Variants in SPICE1 observed in about 807,000 individuals in gnomAD.
SPICE1 encodes spindle and centriole associated protein 1.
A neutral mutation model predicts 102.7 loss-of-function variants in SPICE1; 75 were observed. The ratio of observed to expected loss-of-function variants is 0.73; its 90% CI spans 0.61 to 0.88. SPICE1 has a LOEUF of 0.88. Among genes scored for constraint, SPICE1 ranks in the 40% least tolerant of loss-of-function variants. SPICE1 has a pLI of 0.00. For missense variants in SPICE1, 979 were observed against 1,020.1 expected (o/e 0.96, Z 0.55); for synonymous variants, 308 against 350.3 (o/e 0.88, Z 1.35).
intron 3 of SPICE1, 21 bp downstream of exon 3, chr3:113,503,159 A>C: frequency 6.2e-7 from 1 of 1,604,770 alleles, no homozygotes; most frequent in African/African-American, 1.3e-5. Context: ...TAAATGACTT[A>C]AGTTTTGATA....
chr3:113,500,732 AT>A (rs1255414604), intron 3 of SPICE1, among the ~76,000 whole-genome samples: 1 of 152,064 alleles, frequency 6.6e-6, no homozygotes, highest in Non-Finnish European at 1.5e-5. Context: ...TGAGTTTGAA[AT>A]TTTTCATTTA....
chr3:113,455,208 G>A (rs1043394072), intron 13 of SPICE1, among the ~76,000 whole-genome samples: 8 of 151,958 alleles, frequency 5.3e-5, no homozygotes, highest in East Asian at 3.8e-4. Flanking sequence ...ATATGAATTC[G>A]AATGAACGCT....
At chr3:113,501,340 T>C (rs1937003922) in intron 3 of SPICE1, among the ~76,000 whole-genome samples, 1 of 152,264 alleles carries the variant, frequency 6.6e-6, no homozygotes, top group South Asian at 2.1e-4. Context: ...TATGTCTTTG[T>C]GAACCTTGGG....
intron 7 of SPICE1, among the ~76,000 whole-genome samples, chr3:113,474,952 C>G (rs149783561): frequency 2.6e-5 from 4 of 151,988 alleles, no homozygotes; most frequent in Non-Finnish European, 5.9e-5. Context: ...CCGAAGGAAA[C>G]AGAGACACAA....
intron 7 of SPICE1, among the ~76,000 whole-genome samples, chr3:113,476,890 C>G (rs907451821): frequency 7.9e-5 from 12 of 152,200 alleles, no homozygotes; most frequent in Admixed American, 2.0e-4. Context: ...GACTTCATGT[C>G]TAAAACACCA....
chr3:113,475,825 A>G (rs955340046), intron 7 of SPICE1, among the ~76,000 whole-genome samples: 2 of 152,232 alleles, frequency 1.3e-5, no homozygotes, highest in African/African-American at 4.8e-5. Flanking sequence ...CACAGCCAAT[A>G]TCATATTGAA....
rs1325808511 is a variant in SPICE1 at position 113,457,458 on chromosome 3, C to G, written c.1436-101G>C. 6.9e-6 allele frequency: 8 copies of G among 1,157,592 alleles called. No individual in the cohort carries two copies. In the East Asian group the frequency reaches 2.0e-4, roughly 29 times the overall value. 71.7% of individuals were successfully genotyped at this position (1,157,592 alleles called of 1,614,324 possible). On this transcript the variant is annotated intron_variant, in intron 12 of 17. Transcript: ENST00000295872. ...AATGCATCTCAGTAGAGTGCAAAAT[C>G]CACATGAATCAACATAGCTCCTGGA...
At chr3:113,493,356 A>G in intron 5 of SPICE1, 44 bp from the exon 6 acceptor site, 3 of 1,498,930 alleles carry the variant, frequency 2.0e-6, no homozygotes, top group Non-Finnish European at 2.8e-6. Context: ...TCATTTAATT[A>G]ACTTGACTTC....
chr3:113,503,341 C>A (rs1201777698), intron 2 of SPICE1, 114 bp from the exon 3 acceptor site: 4 of 1,030,456 alleles, frequency 3.9e-6, no homozygotes, highest in Non-Finnish European at 5.5e-6. Flanking sequence ...ACCAAAAATT[C>A]TTTCTTTCTA....
chr3:113,472,460 T>A (rs933025252), intron 7 of SPICE1, among the ~76,000 whole-genome samples: 3 of 152,250 alleles, frequency 2.0e-5, no homozygotes, highest in African/African-American at 7.2e-5. Flanking sequence ...GCTGGAGATC[T>A]GAGAACGGGC....
rs79385229 is a variant in SPICE1 at position 113,499,588 on chromosome 3, C to T, written c.148-6G>A. 9,124 of 1,592,988 alleles carry T rather than the reference C, an allele frequency of 5.7e-3. 436 individuals carry two copies. The African/African-American group carries it at 0.11, about 19-fold the overall frequency. On this transcript the variant is annotated splice_region_variant and splice_polypyrimidine_tract_variant and intron_variant, in intron 3 of 17. Transcript: ENST00000295872. The stretch of plus-strand genomic sequence containing the variant: ...TGTATTTCATGACGGCGTACCTATA[C>T]AGAAGAGAAAAGTACATAAAGGAAT...
chr3:113,480,964 TAA>T (rs1293111649), intron 7 of SPICE1, among the ~76,000 whole-genome samples: 1 of 80,468 alleles, frequency 1.2e-5, no homozygotes, highest in Non-Finnish European at 2.4e-5. Flanking sequence ...ATACCTTACT[TAA>T]GAGGAAACAA....
At chr3:113,468,727 T>C in intron 9 of SPICE1, 35 bp downstream of exon 9, 1 of 1,595,438 alleles carries the variant, frequency 6.3e-7, no homozygotes, top group Non-Finnish European at 8.5e-7. Flanking sequence ...AAGTTACATG[T>C]TTAATATTCA....
intron 13 of SPICE1, among the ~76,000 whole-genome samples, chr3:113,456,636 T>C (rs544597941): frequency 3.9e-4 from 60 of 152,242 alleles, no homozygotes; most frequent in Non-Finnish European, 8.2e-4. Context: ...TCTAAAGCTA[T>C]TTTTAATTGT....
At chr3:113,484,276 T>TTTC (rs1936591161) in intron 7 of SPICE1, among the ~76,000 whole-genome samples, 1 of 152,144 alleles carries the variant, frequency 6.6e-6, no homozygotes, top group Non-Finnish European at 1.5e-5. Context: ...TCTCTCTTTT[T>TTTC]TTCTTTATTA....
intron 7 of SPICE1, among the ~76,000 whole-genome samples, chr3:113,470,385 C>A (rs951075293): frequency 6.6e-6 from 1 of 152,138 alleles, no homozygotes; most frequent in Non-Finnish European, 1.5e-5. Context: ...CATGGATCCT[C>A]CAAATGATGT....
At position 113,468,330 on chromosome 3, in the gene SPICE1, C is replaced by G. The variant is rs751464445; in HGVS notation, c.964G>C (p.Asp322His). 3 of 1,614,180 alleles carry G rather than the reference C, an allele frequency of 1.9e-6. No homozygotes were observed. Among genetic ancestry groups the G allele is most frequent in the Non-Finnish European group, 2.5e-6 (3 of 1,180,028 alleles). The change falls in exon 10 of 18, where the codon GAC (aspartate) becomes CAC (histidine). Residue 322 changes from aspartate to histidine, a missense_variant. Asp to His is a moderately conservative substitution (Grantham distance 81, BLOSUM62 -1). Transcript: ENST00000295872. ...TTGGAATTAGTCCTATTTGGTAAGT[C>G]TGCAGAGGTTGTGCTACCTGATGAT... is the stretch of plus-strand genomic sequence containing the variant. The part of the protein sequence containing the change: ...NISSGSTTSA[D>H]LPNRTNSNLD...
rs199859540 is a variant in SPICE1 at position 113,464,625 on chromosome 3, T to C, written c.1287+1028A>G. 5.9e-5 allele frequency among the ~76,000 whole-genome samples: 9 copies of C among 152,304 alleles called. No homozygotes were observed. The East Asian group carries it at 1.5e-3, about 26-fold the overall frequency. On this transcript the variant is annotated intron_variant, in intron 11 of 17. Coordinates refer to ENST00000295872, the MANE Select transcript of SPICE1 (RefSeq NM_144718.4). ...ATTAACACAAACATAATTTATCTTC[T>C]AACTATTACTTGTCTAGTCTCTTCT...
rs1935910852 is a variant in SPICE1 at position 113,460,642 on chromosome 3, T to G, written c.1410A>C (p.Thr470=). 6.2e-7 allele frequency: 1 copy of G among 1,613,296 alleles called. No individual in the cohort carries two copies. Among genetic ancestry groups the G allele is most frequent in the Non-Finnish European group, 8.5e-7 (1 of 1,179,602 alleles). The stretch of plus-strand genomic sequence containing the variant: ...CTGGACTGTCCATAACTCTTCTACC[T>G]GTGGCTCCGCTTTCTGATGCCTGAA... ...QEIQASESGA[T]GRRVMDSPER... Residue 470 remains threonine (T), a synonymous_variant, in exon 12 of 18, where the codon ACA becomes ACC. Transcript: ENST00000295872.
Sources: gnomAD v4.1 joint callset for allele counts (sites outside exome capture counted in the v4.1 genomes callset) on GRCh38, gnomAD v4.1.1 for gene constraint, MANE v1.5 for transcripts, NCBI Gene and HGNC (gene_info 2026-07-23, HGNC 2026-07-21) for gene names.